The following FARP1 variants were observed in gnomAD, a reference collection of about 807,000 sequenced individuals.
FARP1 encodes FERM, ARH/RhoGEF and pleckstrin domain protein 1, also known as FERM, ARHGEF and pleckstrin domain-containing protein 1.
In FARP1, 52 loss-of-function variants were observed where a neutral mutation model predicts 128.8. That is an observed-to-expected ratio of 0.40 (90% confidence interval 0.32 to 0.51). The LOEUF is 0.51. Among genes scored for constraint, FARP1 ranks in the 20% least tolerant of loss-of-function variants. The pLI, the probability that FARP1 is intolerant of heterozygous loss-of-function variation, is 0.45. For synonymous variants in FARP1, 580 were observed against 551.8 expected, an observed-to-expected ratio of 1.05 and a Z score of -0.72; for missense variants, 1,333 against 1,367.9, an observed-to-expected ratio of 0.97 and a Z score of 0.40.
At chr13:98,278,883 T>G (rs1453497127) in intron 2 of FARP1, among the ~76,000 whole-genome samples, 1 of 152,122 alleles carries the variant, frequency 6.6e-6, no homozygotes, top group Non-Finnish European at 1.5e-5. Flanking sequence ...TGGAGTGCAG[T>G]GGTGCGATCT....
chr13:98,235,506 C>G (rs1268707029), intron 2 of FARP1, among the ~76,000 whole-genome samples: 2 of 152,164 alleles, frequency 1.3e-5, no homozygotes, highest in East Asian at 3.9e-4. Flanking sequence ...AACTCCCTCT[C>G]TCCACAGCGG....
intron 1 of FARP1, among the ~76,000 whole-genome samples, chr13:98,193,715 G>A (rs1879389753): frequency 1.3e-5 from 2 of 152,154 alleles, no homozygotes; most frequent in South Asian, 2.1e-4. Flanking sequence ...TGTCATGCTT[G>A]TTTCTTCCAA....
At chr13:98,426,156 T>C (rs1891778694) in intron 17 of FARP1, among the ~76,000 whole-genome samples, 1 of 152,186 alleles carries the variant, frequency 6.6e-6, no homozygotes, top group Non-Finnish European at 1.5e-5. Flanking sequence ...CCCATAATCC[T>C]AGCTAAGTGG....
intron 2 of FARP1, among the ~76,000 whole-genome samples, chr13:98,282,842 A>G (rs1352461023): frequency 1.3e-5 from 2 of 152,198 alleles, no homozygotes; most frequent in Non-Finnish European, 2.9e-5. Flanking sequence ...TGAAGGTTGC[A>G]GTGAGCAGAG....
At chr13:98,314,413 G>A (rs2139760652) in intron 2 of FARP1, among the ~76,000 whole-genome samples, 1 of 151,422 alleles carries the variant, frequency 6.6e-6, no homozygotes, top group African/African-American at 2.4e-5. Context: ...CCGAGTAGCT[G>A]GGACTACAGG....
intron 19 of FARP1, among the ~76,000 whole-genome samples, chr13:98,437,443 G>A (rs1892316188): frequency 6.7e-6 from 1 of 148,826 alleles, no homozygotes; most frequent in Admixed American, 6.6e-5. Context: ...GCTTATTCGA[G>A]AAGTAGGAAA....
chr13:98,250,582 A>G (rs142781456), intron 2 of FARP1, among the ~76,000 whole-genome samples: 1,704 of 152,110 alleles, frequency 0.011, 36 homozygotes, highest in African/African-American at 0.039. Context: ...TTAGCTGGGC[A>G]TGGTGGCAGG....
At chr13:98,253,439 A>G (rs967602665) in intron 2 of FARP1, among the ~76,000 whole-genome samples, 2 of 152,168 alleles carry the variant, frequency 1.3e-5, no homozygotes, top group African/African-American at 4.8e-5. Flanking sequence ...CAGTGAAGAA[A>G]CTGAGACTCA....
In FARP1 at chr13:98,337,538, CGTGTGTGTGTGTGTGTGT is replaced by C. The variant is rs60625244; in HGVS notation, c.172-6191_172-6174del. On this transcript the variant is annotated intron_variant, in intron 2 of 26. Coordinates refer to ENST00000319562, the MANE Select transcript of FARP1 (RefSeq NM_005766.4). ...TCTTGTGTATAGTAGTCTGTGTAGC[CGTGTGTGTGTGTGTGTGT>C]GTGTGTGTGTGTGTGTGTGTGTGTG... Among the ~76,000 whole-genome samples, 333 of 132,094 alleles carry C rather than the reference CGTGTGTGTGTGTGTGTGT, an allele frequency of 2.5e-3. 2 individuals are homozygous for C. Among genetic ancestry groups the C allele is most frequent in the African/African-American group, 8.2e-3 (292 of 35,742 alleles). The allele number at this position is 132,094 out of a possible 152,430, so 86.7% of individuals were successfully genotyped here. A position where few individuals can be genotyped will look rare whatever the true frequency, so the allele number is the denominator to read the frequency against.
intron 2 of FARP1, among the ~76,000 whole-genome samples, chr13:98,255,513 A>G (rs1369067736): frequency 6.6e-6 from 1 of 152,118 alleles, no homozygotes; most frequent in Non-Finnish European, 1.5e-5. Flanking sequence ...AAAAAAAACA[A>G]AAACAAAAAC....
At chr13:98,158,985 C>T (rs568183741) in intron 1 of FARP1, among the ~76,000 whole-genome samples, 2 of 152,126 alleles carry the variant, frequency 1.3e-5, no homozygotes, top group Non-Finnish European at 2.9e-5. Context: ...GAAGGTTCAT[C>T]AGTCCTAAAG....
intron 1 of FARP1, among the ~76,000 whole-genome samples, chr13:98,150,467 C>A (rs1875916283): frequency 6.6e-6 from 1 of 152,058 alleles, no homozygotes. Flanking sequence ...GTGTATAAAT[C>A]CTTTGTAAAG....
intron 1 of FARP1, among the ~76,000 whole-genome samples, chr13:98,189,238 T>C (rs541614208): frequency 6.6e-6 from 1 of 150,484 alleles, no homozygotes; most frequent in South Asian, 2.1e-4. Flanking sequence ...GCAGATTTCT[T>C]AAGGCTGTGG....
chr13:98,282,808 G>A (rs1280276734), intron 2 of FARP1, among the ~76,000 whole-genome samples: 2 of 152,146 alleles, frequency 1.3e-5, no homozygotes, highest in Admixed American at 6.5e-5. Flanking sequence ...GGCTGAGGCA[G>A]GAGAATCGCT....
chr13:98,304,261 C>T (rs926376833), intron 2 of FARP1, among the ~76,000 whole-genome samples: 6 of 152,180 alleles, frequency 3.9e-5, no homozygotes, highest in African/African-American at 1.4e-4. Flanking sequence ...GAGTGTAGGA[C>T]TTCCAGCTGC....
intron 20 of FARP1, 66 bp from the exon 21 acceptor site, chr13:98,439,041 G>A (rs1333180219): frequency 7.0e-7 from 1 of 1,437,308 alleles, no homozygotes; most frequent in Non-Finnish European, 9.7e-7. Context: ...TTGAGGACAG[G>A]GAATGCTGGA....
intron 2 of FARP1, chr13:98,244,808 C>T (rs987542405): frequency 1.2e-5 from 18 of 1,523,030 alleles, no homozygotes; most frequent in Non-Finnish European, 1.6e-5. Flanking sequence ...TTTCAGTGCC[C>T]AATAAGTGAT....
chr13:98,390,993 GTTGT>G, intron 11 of FARP1, 113 bp downstream of exon 11: 1 of 754,738 alleles, frequency 1.3e-6, no homozygotes, highest in Non-Finnish European at 2.3e-6. Flanking sequence ...TGTCCCTTGA[GTTGT>G]AAATGATAGT....
chr13:98,453,284 A>C lies in FARP1; in HGVS notation c.*4967A>C. On this transcript the variant is annotated 3_prime_UTR_variant, in exon 27 of 27. Coordinates refer to ENST00000319562, the MANE Select transcript of FARP1 (RefSeq NM_005766.4). ...TGTGCAAAAATTCATATAGTAACCA[A>C]AATCTTAGTTTTCATAAGAAATTCC... 6.8e-7 allele frequency: 1 copy of C among 1,461,418 alleles called. No individual in the cohort carries two copies. The highest frequency in any genetic ancestry group is 1.2e-5 in the South Asian group (1 of 80,382). The allele number at this position is 1,461,418 out of a possible 1,614,324, so 90.5% of individuals were successfully genotyped here.
Sources: gnomAD v4.1 joint callset for allele counts (sites outside exome capture counted in the v4.1 genomes callset) on GRCh38, gnomAD v4.1.1 for gene constraint, MANE v1.5 for transcripts, NCBI Gene and HGNC (gene_info 2026-07-23, HGNC 2026-07-21) for gene names.